Variants in PRKN observed in about 807,000 individuals in gnomAD.
PRKN encodes the protein parkin RBR E3 ubiquitin protein ligase.
In PRKN, 56 loss-of-function variants were observed where a neutral mutation model predicts 59.5. The observed-to-expected ratio is 0.94, with a 90% CI of 0.76 to 1.18. PRKN has a LOEUF of 1.18. Ranked by LOEUF, PRKN falls within the 50% of genes most tolerant of loss-of-function variation. The pLI, the probability that PRKN is intolerant of heterozygous loss-of-function variation, is 0.00. For synonymous variants in PRKN, 250 were observed against 222.1 expected (o/e 1.13, Z -1.12); for missense variants, 657 against 596.4 (o/e 1.10, Z -1.06).
chr6:162,667,230 T>C (rs1779136142), intron 1 of PRKN, among the ~76,000 whole-genome samples: 1 of 152,094 alleles, frequency 6.6e-6, no homozygotes, highest in South Asian at 2.1e-4. Context: ...GCAATTTGTT[T>C]TTCTTAGTTT....
intron 4 of PRKN, among the ~76,000 whole-genome samples, chr6:162,178,699 C>A (rs1471606027): frequency 1.3e-5 from 2 of 152,152 alleles, no homozygotes; most frequent in Non-Finnish European, 1.5e-5. Flanking sequence ...CTTTATGACA[C>A]AAAGAATGAG....
chr6:162,021,647 T>C (rs2128276052), intron 5 of PRKN, among the ~76,000 whole-genome samples: 1 of 152,232 alleles, frequency 6.6e-6, no homozygotes, highest in South Asian at 2.1e-4. Context: ...CCTGCTAATA[T>C]GCAGATTTTG....
rs191196984 is a variant in PRKN at position 162,191,809 on chromosome 6, A to G, written c.534+9322T>C. Among the ~76,000 whole-genome samples the G allele has an allele frequency of 3.3e-5, 5 of 152,336 alleles. No homozygotes were observed. The East Asian group carries it at 9.6e-4, about 29-fold the overall frequency. ...TCCGTTGTTATCCTGCCTTGCACAC[A>G]GAATTGATGCCTTGATGCTCTGTTC... is the stretch of plus-strand genomic sequence containing the variant. On this transcript the variant is annotated intron_variant, in intron 4 of 11. Coordinates refer to ENST00000366898, the MANE Select transcript of PRKN (RefSeq NM_004562.3).
chr6:161,736,960 C>T (rs1043651611), intron 7 of PRKN, among the ~76,000 whole-genome samples: 5 of 152,110 alleles, frequency 3.3e-5, no homozygotes, highest in African/African-American at 7.2e-5. Context: ...TTGTGTGAGT[C>T]GGAGCTCACA....
chr6:162,107,493 C>A (rs1274605043), intron 4 of PRKN, among the ~76,000 whole-genome samples: 1 of 151,924 alleles, frequency 6.6e-6, no homozygotes, highest in Admixed American at 6.6e-5. Flanking sequence ...AAAAGTTGTA[C>A]CAAGTAGTGG....
intron 6 of PRKN, among the ~76,000 whole-genome samples, chr6:161,961,611 G>A (rs1483016538): frequency 2.6e-5 from 4 of 152,116 alleles, no homozygotes; most frequent in South Asian, 2.1e-4. Flanking sequence ...GAACTAGCCC[G>A]GTTCCGTCAC....
intron 3 of PRKN, among the ~76,000 whole-genome samples, chr6:162,233,845 C>G (rs555390199): frequency 6.6e-6 from 1 of 152,326 alleles, no homozygotes; most frequent in South Asian, 2.1e-4. Flanking sequence ...GACATGCATG[C>G]TCTTGTCCTC....
intron 2 of PRKN, among the ~76,000 whole-genome samples, chr6:162,263,032 A>G (rs994993667): frequency 6.6e-6 from 1 of 152,192 alleles, no homozygotes; most frequent in East Asian, 1.9e-4. Flanking sequence ...AAAATCTAGC[A>G]GGAAAAAATA....
At chr6:162,152,429 C>A (rs548320172) in intron 4 of PRKN, among the ~76,000 whole-genome samples, 1 of 152,344 alleles carries the variant, frequency 6.6e-6, no homozygotes, top group South Asian at 2.1e-4. Flanking sequence ...TTCCATCTAA[C>A]TGGCCCGCTA....
chr6:162,606,618 G>A (rs1781927167), intron 1 of PRKN, among the ~76,000 whole-genome samples: 1 of 152,204 alleles, frequency 6.6e-6, no homozygotes, highest in Non-Finnish European at 1.5e-5. Flanking sequence ...GAGAGTCACA[G>A]ATGGGAGGAA....
At position 162,011,347 on chromosome 6, in the gene PRKN, TA is replaced by T. The variant is rs1216357320; in HGVS notation, c.619-37931del. Among the ~76,000 whole-genome samples the T allele has an allele frequency of 1.6e-3, 23 of 14,490 alleles. 4 individuals are homozygous for T. The highest frequency in any genetic ancestry group is 0.12 in the Middle Eastern group (2 of 16). The allele number at this position is 14,490 out of a possible 152,430, so 9.5% of individuals were successfully genotyped here. On this transcript the variant is annotated intron_variant, in intron 5 of 11. Transcript: ENST00000366898. ...AATATATATAATATATTATATATTA[TA>T]ATATATATTTATAATATATATAATA...
intron 1 of PRKN, among the ~76,000 whole-genome samples, chr6:162,665,325 T>C (rs1348012502): frequency 6.6e-6 from 1 of 152,044 alleles, no homozygotes; most frequent in Non-Finnish European, 1.5e-5. Context: ...GATAAGTAAC[T>C]TCAGCAAAGT....
At chr6:162,133,485 T>C (rs1405210096) in intron 4 of PRKN, among the ~76,000 whole-genome samples, 1 of 152,122 alleles carries the variant, frequency 6.6e-6, no homozygotes, top group Non-Finnish European at 1.5e-5. Flanking sequence ...ATTTGGGACA[T>C]GTAATATTTG....
intron 4 of PRKN, among the ~76,000 whole-genome samples, chr6:162,057,787 C>G (rs555650461): frequency 6.6e-6 from 1 of 152,264 alleles, no homozygotes; most frequent in East Asian, 1.9e-4. Context: ...CAAAGTTAAA[C>G]GTGCTTTGTA....
chr6:161,541,563 A>G (rs954096331), intron 9 of PRKN, among the ~76,000 whole-genome samples: 1 of 152,182 alleles, frequency 6.6e-6, no homozygotes, highest in Non-Finnish European at 1.5e-5. Flanking sequence ...GCTCACGCCT[A>G]TAATTCCAGC....
chr6:162,342,158 G>C (rs1365988191), intron 2 of PRKN, among the ~76,000 whole-genome samples: 8 of 152,188 alleles, frequency 5.3e-5, no homozygotes, highest in Admixed American at 1.3e-4. Context: ...CAACCTATTT[G>C]GTAGAAAGTG....
At chr6:161,977,542 G>GTTTTTTTTTTTTTTTTTTTTTTTTTTTT (rs1554256833) in intron 5 of PRKN, among the ~76,000 whole-genome samples, 2 of 104,522 alleles carry the variant, frequency 1.9e-5, no homozygotes, top group Non-Finnish European at 1.9e-5. Context: ...TGTTTTTTTG[G>GTTTTTTTTTTTTTTTTTTTTTTTTTTTT]TTTTTTTTTT....
At chr6:161,858,857 A>AATTTTTTTTT (rs1491531194) in intron 6 of PRKN, among the ~76,000 whole-genome samples, 2 of 55,972 alleles carry the variant, frequency 3.6e-5, no homozygotes, top group African/African-American at 1.2e-4. Flanking sequence ...GCACAGCTGT[A>AATTTTTTTTT]CTTTTTTTTT....
At chr6:161,987,467 T>A (rs1420941939) in intron 5 of PRKN, among the ~76,000 whole-genome samples, 1 of 152,230 alleles carries the variant, frequency 6.6e-6, no homozygotes, top group Non-Finnish European at 1.5e-5. Context: ...AATCTGCAGA[T>A]GCTCAAGTCC....
Sources: gnomAD v4.1 joint callset for allele counts (sites outside exome capture counted in the v4.1 genomes callset) on GRCh38, gnomAD v4.1.1 for gene constraint, MANE v1.5 for transcripts, NCBI Gene and HGNC (gene_info 2026-07-23, HGNC 2026-07-21) for gene names.